The following ENTREP2 variants were observed in gnomAD, a reference collection of about 807,000 sequenced individuals.
ENTREP2 encodes endosomal transmembrane epsin interactor 2.
chr15:29,158,405 C>CTTTTTT, the ENTREP2 span, among the ~76,000 whole-genome samples: 1 of 133,166 alleles, frequency 7.5e-6, no homozygotes, highest in African/African-American at 2.8e-5. Flanking sequence ...TTATCTCTGC[C>CTTTTTT]TTTTTTTTTT....
chr15:29,255,633 C>G, the ENTREP2 span, among the ~76,000 whole-genome samples: 1 of 152,120 alleles, frequency 6.6e-6, no homozygotes, highest in Non-Finnish European at 1.5e-5. Flanking sequence ...AACCCAGGTG[C>G]CCATCAATAG....
At chr15:29,544,317 G>A in the ENTREP2 span, among the ~76,000 whole-genome samples, 1 of 152,296 alleles carries the variant, frequency 6.6e-6, no homozygotes, top group Non-Finnish European at 1.5e-5. Flanking sequence ...GAGACAGGAG[G>A]TATAACAGTG....
At chr15:29,251,499 C>T in the ENTREP2 span, among the ~76,000 whole-genome samples, 8 of 152,348 alleles carry the variant, frequency 5.3e-5, no homozygotes, top group South Asian at 2.1e-4. Context: ...AACACAAATT[C>T]GTAAACTTCC....
chr15:29,339,972 G>A, the ENTREP2 span, among the ~76,000 whole-genome samples: 2 of 152,162 alleles, frequency 1.3e-5, no homozygotes, highest in Non-Finnish European at 1.5e-5. Flanking sequence ...TCATTTTATC[G>A]TATTCTGATT....
At chr15:29,551,916 G>A in the ENTREP2 span, among the ~76,000 whole-genome samples, 1 of 152,044 alleles carries the variant, frequency 6.6e-6, no homozygotes, top group Admixed American at 6.6e-5. Flanking sequence ...AGAATAAGTA[G>A]CATTTTCCCC....
the ENTREP2 span, among the ~76,000 whole-genome samples, chr15:29,131,935 G>GGCATCCGACCTAATCCTACCCTAACCCA: frequency 1.5e-5 from 2 of 137,442 alleles, no homozygotes; most frequent in African/African-American, 5.0e-5. Flanking sequence ...GAAAGAGAAT[G>GGCATCCGACCTAATCCTACCCTAACCCA]GCATCTGACC....
the ENTREP2 span, chr15:29,151,851 A>G: frequency 6.5e-7 from 1 of 1,542,366 alleles, no homozygotes; most frequent in Non-Finnish European, 8.8e-7. Context: ...CCTGCGAGGA[A>G]AGGTGCAGGA....
chr15:29,627,204 T>C, the ENTREP2 span, among the ~76,000 whole-genome samples: 1 of 152,160 alleles, frequency 6.6e-6, no homozygotes, highest in Non-Finnish European at 1.5e-5. Flanking sequence ...TAACTGACTT[T>C]TTAAGCCATT....
chr15:29,568,169 G>A, the ENTREP2 span, among the ~76,000 whole-genome samples: 7 of 152,346 alleles, frequency 4.6e-5, no homozygotes, highest in African/African-American at 1.7e-4. Context: ...GTACCGTACT[G>A]AAAGAACTTT....
the ENTREP2 span, chr15:29,234,845 G>T: frequency 2.1e-6 from 3 of 1,415,490 alleles, no homozygotes; most frequent in East Asian, 2.3e-5. Context: ...CTTTGCATTA[G>T]ATATGTTTGC....
chr15:29,324,442 C>G, the ENTREP2 span, among the ~76,000 whole-genome samples: 3 of 151,848 alleles, frequency 2.0e-5, no homozygotes, highest in Non-Finnish European at 4.4e-5. Context: ...AGTAAATAAC[C>G]TAAATATCCC....
chr15:29,483,842 T>G, the ENTREP2 span, among the ~76,000 whole-genome samples: 1 of 152,252 alleles, frequency 6.6e-6, no homozygotes, highest in African/African-American at 2.4e-5. Flanking sequence ...ATTATTACAT[T>G]TTTTAAATAA....
the ENTREP2 span, among the ~76,000 whole-genome samples, chr15:29,158,685 TAAAATTCCTTTACAAGGTGATTC>T: frequency 3.3e-5 from 5 of 152,062 alleles, no homozygotes; most frequent in African/African-American, 1.2e-4. Context: ...CCACATTCTA[TAAAATTCCTTTACAAGGTGATTC>T]AAAACGGCGA....
chr15:29,264,707 A>C, the ENTREP2 span, among the ~76,000 whole-genome samples: 16 of 152,346 alleles, frequency 1.1e-4, no homozygotes, highest in Middle Eastern at 3.4e-3. Flanking sequence ...CTAAAGAAAC[A>C]TAACTAAATA....
chr15:29,505,609 C>A, the ENTREP2 span, among the ~76,000 whole-genome samples: 1 of 152,266 alleles, frequency 6.6e-6, no homozygotes, highest in Non-Finnish European at 1.5e-5. This position sits in a 1 kb window ranked among gnomAD's most constrained non-coding sequence, Gnocchi z 4.3. Flanking sequence ...GATACCCAGG[C>A]AAACAGGGTC....
chr15:29,183,792 TA>T, the ENTREP2 span, among the ~76,000 whole-genome samples: 1 of 152,140 alleles, frequency 6.6e-6, no homozygotes, highest in African/African-American at 2.4e-5. Flanking sequence ...GGACAATCTC[TA>T]ATTTCAGACA....
chr15:29,341,147 G>C, the ENTREP2 span, among the ~76,000 whole-genome samples: 3 of 152,188 alleles, frequency 2.0e-5, no homozygotes, highest in African/African-American at 7.2e-5. Context: ...AAGGCTTATA[G>C]AGTAGACATG....
chr15:29,496,324 T>A, the ENTREP2 span, among the ~76,000 whole-genome samples: 1 of 152,010 alleles, frequency 6.6e-6, no homozygotes, highest in Non-Finnish European at 1.5e-5. Context: ...TATTACAAGA[T>A]CACATCTCCT....
At chr15:29,408,686 T>A in the ENTREP2 span, among the ~76,000 whole-genome samples, 8 of 152,198 alleles carry the variant, frequency 5.3e-5, no homozygotes, top group Non-Finnish European at 1.0e-4. Flanking sequence ...TGGTCTTTTT[T>A]TGTTGTTGTT....
Sources: gnomAD v4.1 joint callset for allele counts (sites outside exome capture counted in the v4.1 genomes callset) on GRCh38, gnomAD v4.1.1 for gene constraint, Gnocchi (gnomAD v3.1) non-coding constraint, MANE v1.5 for transcripts, NCBI Gene and HGNC (gene_info 2026-07-23, HGNC 2026-07-21) for gene names.